POLD1: variants seen among roughly 807,000 people sequenced by gnomAD.
The protein encoded by POLD1 is DNA polymerase delta catalytic subunit.
A neutral mutation model predicts 129.7 loss-of-function variants in POLD1; 79 were observed. That is an observed-to-expected ratio of 0.61 (90% CI 0.51 to 0.73). The LOEUF is 0.73. Ranked by LOEUF, POLD1 falls within the 30% of genes least tolerant of loss-of-function variation. POLD1 has a pLI of 0.00. For missense variants in POLD1, 1,338 were observed against 1,595.8 expected (o/e 0.84, Z 2.75); for synonymous variants, 714 against 683.3 (o/e 1.04, Z -0.70).
chr19:50,392,285 A>C (rs1302617073), intron 1 of POLD1, among the ~76,000 whole-genome samples: 1 of 151,914 alleles, frequency 6.6e-6, no homozygotes, highest in Non-Finnish European at 1.5e-5. Context: ...TTTTGTAGAA[A>C]TGGAGTCTCA....
intron 1 of POLD1, chr19:50,394,102 G>A (rs1190179074): frequency 6.6e-6 from 1 of 152,256 alleles, no homozygotes; most frequent in African/African-American, 2.4e-5. Flanking sequence ...TGCTCTGGAA[G>A]GTTGTTGGGG....
chr19:50,401,391 A>ATATTTTTTT (rs1334231607), intron 3 of POLD1, among the ~76,000 whole-genome samples: 3 of 65,948 alleles, frequency 4.5e-5, no homozygotes, highest in African/African-American at 6.9e-5. Flanking sequence ...ATATATATAT[A>ATATTTTTTT]TTTTTTTTTT....
At chr19:50,410,144 C>T (rs2039042102) in intron 17 of POLD1, among the ~76,000 whole-genome samples, 1 of 152,182 alleles carries the variant, frequency 6.6e-6, no homozygotes, top group African/African-American at 2.4e-5. Flanking sequence ...CGGCAGCGTC[C>T]CGGTCTGCCT....
Position 50,417,101 on chromosome 19 carries a change from A to G in POLD1, c.3120+4A>G. On this transcript the variant is annotated splice_donor_region_variant and intron_variant, in intron 25 of 26. Coordinates refer to ENST00000440232, the MANE Select transcript of POLD1 (RefSeq NM_002691.4). ...GTCTGAGCTGTATCAGAAGGAGGTG[A>G]GAGGGCCGGGAGGTGAGGAGGGGCC... 1.3e-6 allele frequency: 2 copies of G among 1,561,726 alleles called. No homozygotes were observed. The highest frequency in any genetic ancestry group is 8.7e-7 in the Non-Finnish European group (1 of 1,152,524).
chr19:50,395,541 G>A (rs2038326402), intron 1 of POLD1, among the ~76,000 whole-genome samples: 1 of 150,670 alleles, frequency 6.6e-6, no homozygotes, highest in Non-Finnish European at 1.5e-5. Context: ...CCGAGATCGC[G>A]CCACCGCACT....
chr19:50,417,676 C>G (rs942275801), intron 26 of POLD1, among the ~76,000 whole-genome samples, 166 bp from the exon 27 acceptor site: 2 of 117,836 alleles, frequency 1.7e-5, no homozygotes, highest in South Asian at 3.1e-4. Flanking sequence ...TCGGCTCCCC[C>G]CCCCCACCCC....
intron 1 of POLD1, among the ~76,000 whole-genome samples, chr19:50,396,654 A>AT (rs1050517567): frequency 6.9e-4 from 104 of 149,710 alleles, no homozygotes; most frequent in African/African-American, 2.5e-3. Flanking sequence ...ATTTTTTTGT[A>AT]TTTTTTTAGT....
rs114722557 is a variant in POLD1 at position 50,406,635 on chromosome 19, T to A, written c.1494+118T>A. ...GACCTCACTCTTTGACCTGCTGTTA[T>A]GACCTGTGACCTTACCTGACGCCCA... On this transcript the variant is annotated intron_variant, in intron 12 of 26. Coordinates refer to ENST00000440232, the MANE Select transcript of POLD1 (RefSeq NM_002691.4). This position sits in a 1 kb window ranked among gnomAD's most constrained non-coding sequence, Gnocchi z 5.5. 1,211 of 747,920 alleles carry A rather than the reference T, an allele frequency of 1.6e-3. 12 individuals are homozygous for A. The African/African-American group carries it at 0.017, about 10-fold the overall frequency. 46.3% of individuals were successfully genotyped at this position (747,920 alleles called of 1,614,324 possible).
At chr19:50,394,591 G>T (rs1274598690) in intron 1 of POLD1, among the ~76,000 whole-genome samples, 1 of 152,060 alleles carries the variant, frequency 6.6e-6, no homozygotes, top group African/African-American at 2.4e-5. Context: ...GGAGGCGAAG[G>T]TTGCAGTGAG....
chr19:50,394,616 T>C (rs902562856), intron 1 of POLD1, among the ~76,000 whole-genome samples: 1 of 151,994 alleles, frequency 6.6e-6, no homozygotes, highest in Admixed American at 6.6e-5. Context: ...GATCAGCCAC[T>C]GCATTCCAGC....
intron 26 of POLD1, 44 bp downstream of exon 26, chr19:50,417,313 G>C (rs1476878248): frequency 7.2e-7 from 1 of 1,398,216 alleles, no homozygotes; most frequent in East Asian, 2.5e-5. Flanking sequence ...CCCCTTCCCA[G>C]CTCCCAGGCC....
rs878854525 is a variant in POLD1 at position 50,407,324 on chromosome 19, C to A, written c.1687-3C>A. 3 of 1,611,430 alleles carry A rather than the reference C, an allele frequency of 1.9e-6. No individual in the cohort carries two copies. The highest frequency in any genetic ancestry group is 2.5e-6 in the Non-Finnish European group (3 of 1,178,288). On this transcript the variant is annotated splice_region_variant and splice_polypyrimidine_tract_variant and intron_variant, in intron 13 of 26. Transcript: ENST00000440232. ...CTCCATTTCCCACCTTCTCCCCTCC[C>A]AGGCCATGCACGAGGGGCTGCTGAT...
intron 1 of POLD1, among the ~76,000 whole-genome samples, chr19:50,386,262 C>T (rs1203372036): frequency 2.6e-5 from 4 of 152,002 alleles, no homozygotes; most frequent in African/African-American, 9.7e-5. Flanking sequence ...CTCAGGCTTC[C>T]GAGTAGCTGG....
In POLD1 at chr19:50,417,158, G is replaced by A. The variant is rs367766963; in HGVS notation, c.3121-14G>A. 210 of 1,586,784 alleles carry A rather than the reference G, an allele frequency of 1.3e-4. No individual in the cohort carries two copies. Among genetic ancestry groups the A allele is most frequent in the African/African-American group, 8.2e-4 (61 of 74,466 alleles). ...GGAGGCGGGGGCGCCCTGCTCAGCC[G>A]CTGCCGTCCCCAGGTATCCCATCTG... On this transcript the variant is annotated splice_polypyrimidine_tract_variant and intron_variant, in intron 25 of 26. Transcript: ENST00000440232.
Position 50,409,276 on chromosome 19 carries a change from G to T in POLD1, c.2006+41G>T. 2 of 1,412,576 alleles carry T rather than the reference G, an allele frequency of 1.4e-6. No homozygotes were observed. The highest frequency in any genetic ancestry group is 2.0e-6 in the Non-Finnish European group (2 of 1,000,022). 87.5% of individuals were successfully genotyped at this position (1,412,576 alleles called of 1,614,324 possible). On this transcript the variant is annotated intron_variant, in intron 16 of 26. Coordinates refer to ENST00000440232, the MANE Select transcript of POLD1 (RefSeq NM_002691.4). This position sits in a 1 kb window ranked among gnomAD's most constrained non-coding sequence, Gnocchi z 5.8. ...CGCCTGCTTGGAGCTCAGACCTGTT[G>T]GGGCCTCTGGGCAATCCCTGTCCCT...
chr19:50,403,830 G>A (rs1233340901), intron 10 of POLD1, among the ~76,000 whole-genome samples: 1 of 152,224 alleles, frequency 6.6e-6, no homozygotes, highest in Non-Finnish European at 1.5e-5. Flanking sequence ...AGAGAAGGCT[G>A]TGCATTCAAG....
rs929116622 is a variant in POLD1 at position 50,399,552 on chromosome 19, G to GC, written c.316+72dup. On this transcript the variant is annotated intron_variant, in intron 3 of 26. Transcript: ENST00000440232. ...CTGGGGCAGAGGCCGGGCCAGGTCA[G>GC]CCCCTCTGGCCCTGTGCTCCTGGGG... The GC allele has an allele frequency of 5.4e-5, 63 of 1,175,482 alleles. No homozygotes were observed. In the African/African-American group the frequency reaches 9.1e-4, roughly 17 times the overall value. The allele number at this position is 1,175,482 out of a possible 1,614,324, so 72.8% of individuals were successfully genotyped here. A position where few individuals can be genotyped will look rare whatever the true frequency, so the allele number is the denominator to read the frequency against.
chr19:50,390,959 CTA>C (rs896588402), intron 1 of POLD1, among the ~76,000 whole-genome samples: 2 of 152,162 alleles, frequency 1.3e-5, no homozygotes, highest in Non-Finnish European at 2.9e-5. Context: ...ATGGAGTCTC[CTA>C]TGTCTACTTC....
At chr19:50,401,510 G>T (rs2038628356) in intron 3 of POLD1, among the ~76,000 whole-genome samples, 1 of 149,850 alleles carries the variant, frequency 6.7e-6, no homozygotes, top group Non-Finnish European at 1.5e-5. Flanking sequence ...CAAAGCACTG[G>T]AATCACAGGT....
Sources: allele counts gnomAD v4.1 joint callset (sites outside exome capture counted in the v4.1 genomes callset), GRCh38; gene constraint gnomAD v4.1.1; non-coding constraint Gnocchi (gnomAD v3.1); transcripts MANE v1.5; gene names NCBI Gene and HGNC (gene_info 2026-07-23, HGNC 2026-07-21).